The following MCTP2 variants were observed in gnomAD, a reference collection of about 807,000 sequenced individuals.
MCTP2 encodes the protein multiple C2 and transmembrane domain containing 2, also known as multiple C2 and transmembrane domain-containing protein 2.
Under a neutral mutation model 111.6 loss-of-function variants are expected in MCTP2, and 132 were observed. The observed-to-expected ratio is 1.18, with a 90% CI of 1.03 to 1.37. MCTP2 has a LOEUF of 1.37. MCTP2 is among the 40% of genes most tolerant of loss of function. The pLI, the probability that MCTP2 is intolerant of heterozygous loss-of-function variation, is 0.00. For missense variants in MCTP2, 1,183 were observed against 1,067.9 expected, an observed-to-expected ratio of 1.11 and a Z score of -1.50; for synonymous variants, 395 against 387.7, an observed-to-expected ratio of 1.02 and a Z score of -0.22.
At chr15:94,437,954 A>C (rs1567706540) in intron 17 of MCTP2, among the ~76,000 whole-genome samples, 1 of 152,070 alleles carries the variant, frequency 6.6e-6, no homozygotes, top group Non-Finnish European at 1.5e-5. Flanking sequence ...TTAAAAAAAA[A>C]AATTAAAAAC....
intron 4 of MCTP2, among the ~76,000 whole-genome samples, chr15:94,316,164 G>T (rs1379017397): frequency 2.0e-5 from 3 of 152,036 alleles, no homozygotes; most frequent in Non-Finnish European, 2.9e-5. Context: ...AAATGTACAG[G>T]TCTTCAAAAT....
intron 13 of MCTP2, among the ~76,000 whole-genome samples, chr15:94,384,358 C>T (rs1243799037): frequency 6.6e-6 from 1 of 152,078 alleles, no homozygotes; most frequent in Admixed American, 6.5e-5. Context: ...CTTTTAGTGA[C>T]TAAATTAATC....
chr15:94,466,287 A>C (rs1409565236), intron 20 of MCTP2, among the ~76,000 whole-genome samples: 1 of 151,846 alleles, frequency 6.6e-6, no homozygotes, highest in Non-Finnish European at 1.5e-5. Flanking sequence ...TTGCATTTTT[A>C]AGAATACACC....
intron 4 of MCTP2, among the ~76,000 whole-genome samples, 187 bp from the exon 5 acceptor site, chr15:94,339,103 T>A (rs1465556920): frequency 6.6e-6 from 1 of 152,124 alleles, no homozygotes; most frequent in Admixed American, 6.6e-5. Context: ...ATTCTACCAC[T>A]AAAGGGAAAA....
chr15:94,298,204 T>G lies in MCTP2; in HGVS notation c.-62T>G. The G allele has an allele frequency of 1.6e-6, 2 of 1,235,066 alleles. No homozygotes were observed. The highest frequency in any genetic ancestry group is 3.2e-5 in the South Asian group (2 of 62,000). 76.5% of individuals were successfully genotyped at this position (1,235,066 alleles called of 1,614,324 possible). On this transcript the variant is annotated 5_prime_UTR_variant, in exon 2 of 23. Transcript: ENST00000357742. Reference sequence around the variant, plus strand: ...GTTGTTTTTTTCTGTTTTATAGGAGTCATTGCAGTTTTCAGTAGAGGTGTA... The same window carrying G: ...GTTGTTTTTTTCTGTTTTATAGGAGGCATTGCAGTTTTCAGTAGAGGTGTA...
intron 4 of MCTP2, among the ~76,000 whole-genome samples, chr15:94,318,098 G>A (rs76609223): frequency 0.024 from 3,683 of 152,068 alleles, 164 homozygotes; most frequent in African/African-American, 0.082. Flanking sequence ...ACCCTGATCC[G>A]GCACAGTGTC....
chr15:94,312,747 C>T (rs294558), intron 2 of MCTP2, among the ~76,000 whole-genome samples: 61,041 of 152,016 alleles, frequency 0.4, 13,464 homozygotes, highest in African/African-American at 0.58. Context: ...ACTCAGGGCT[C>T]GTTTCTGCCC....
At chr15:94,231,452 A>C (rs1004876671), upstream of MCTP2, 1 of 150,152 alleles carries the variant, frequency 6.7e-6, no homozygotes, top group African/African-American at 2.5e-5. Context: ...GAGGCTGCTC[A>C]AAGGTGACGC....
chr15:94,255,098 A>C (rs1224580681), intron 1 of MCTP2, among the ~76,000 whole-genome samples: 1 of 152,208 alleles, frequency 6.6e-6, no homozygotes, highest in Non-Finnish European at 1.5e-5. Context: ...TCCTAAAGAC[A>C]AACTTTAGGA....
intron 9 of MCTP2, among the ~76,000 whole-genome samples, chr15:94,357,553 T>G (rs910591667): frequency 9.1e-5 from 13 of 142,954 alleles, no homozygotes; most frequent in Non-Finnish European, 1.4e-4. Flanking sequence ...TCTTGTTTTT[T>G]TTTTTGTTTT....
At chr15:94,333,188 A>AT (rs1206778075) in intron 4 of MCTP2, among the ~76,000 whole-genome samples, 4 of 152,170 alleles carry the variant, frequency 2.6e-5, no homozygotes, top group Non-Finnish European at 5.9e-5. Flanking sequence ...CAGTGAGCCG[A>AT]TATCATGCCA....
intron 8 of MCTP2, among the ~76,000 whole-genome samples, chr15:94,351,273 G>C (rs1437291567): frequency 1.3e-5 from 2 of 152,208 alleles, no homozygotes; most frequent in Non-Finnish European, 2.9e-5. Flanking sequence ...ATAGAGAGGA[G>C]CTGCAGAGAA....
intron 12 of MCTP2, among the ~76,000 whole-genome samples, chr15:94,380,273 A>G (rs994001108): frequency 6.6e-6 from 1 of 152,174 alleles, no homozygotes; most frequent in Non-Finnish European, 1.5e-5. Context: ...AGTAACAGCA[A>G]TATACAATTG....
At chr15:94,413,218 A>G (rs1178604977) in intron 17 of MCTP2, among the ~76,000 whole-genome samples, 1 of 152,206 alleles carries the variant, frequency 6.6e-6, no homozygotes, top group Non-Finnish European at 1.5e-5. Flanking sequence ...GGGGATTTTA[A>G]TTTCAGCAAT....
chr15:94,355,599 C>T (rs2078577253), intron 8 of MCTP2, among the ~76,000 whole-genome samples: 1 of 152,078 alleles, frequency 6.6e-6, no homozygotes, highest in Non-Finnish European at 1.5e-5. Context: ...GCTCATTTGG[C>T]CAGCTAGGCC....
At chr15:94,265,921 G>A (rs1290494230) in intron 1 of MCTP2, among the ~76,000 whole-genome samples, 1 of 152,138 alleles carries the variant, frequency 6.6e-6, no homozygotes, top group African/African-American at 2.4e-5. Flanking sequence ...GCTCACGCTG[G>A]GAGTGTAATT....
At chr15:94,412,292 T>C (rs77265706) in intron 17 of MCTP2, among the ~76,000 whole-genome samples, 4 of 147,878 alleles carry the variant, frequency 2.7e-5, no homozygotes, top group Admixed American at 6.7e-5. Flanking sequence ...GGACTCTGCT[T>C]TTTTTTTTTT....
intron 17 of MCTP2, among the ~76,000 whole-genome samples, chr15:94,417,406 A>G (rs1252072016): frequency 6.6e-6 from 1 of 152,178 alleles, no homozygotes; most frequent in East Asian, 1.9e-4. Flanking sequence ...ACAGGATGCA[A>G]CAGATTTTGA....
At chr15:94,306,573 T>A (rs898070743) in intron 2 of MCTP2, among the ~76,000 whole-genome samples, 1 of 152,230 alleles carries the variant, frequency 6.6e-6, no homozygotes, top group Non-Finnish European at 1.5e-5. Flanking sequence ...AAGACATTTA[T>A]TTTTCTGTGT....
Sources: allele counts gnomAD v4.1 joint callset (sites outside exome capture counted in the v4.1 genomes callset), GRCh38; gene constraint gnomAD v4.1.1; transcripts MANE v1.5; gene names NCBI Gene and HGNC (gene_info 2026-07-23, HGNC 2026-07-21).